The following MBNL1 variants were observed in gnomAD, a reference collection of about 807,000 sequenced individuals.
MBNL1 encodes the protein muscleblind-like protein 1.
Under a neutral mutation model 42.2 loss-of-function variants are expected in MBNL1, and 8 were observed. The observed-to-expected ratio is 0.19, with a 90% CI of 0.11 to 0.34. The LOEUF is 0.34. MBNL1 is among the 10% of genes least tolerant of loss of function. The pLI is 1.00. For missense variants in MBNL1, 309 were observed against 495.3 expected, an observed-to-expected ratio of 0.62 and a Z score of 3.57; for synonymous variants, 169 against 173.9, an observed-to-expected ratio of 0.97 and a Z score of 0.22.
chr3:152,335,504 A>G (rs947752411), intron 2 of MBNL1, among the ~76,000 whole-genome samples: 5 of 152,164 alleles, frequency 3.3e-5, no homozygotes, highest in Admixed American at 2.0e-4. Context: ...ATAGTTTTCC[A>G]TGTAACTTCT....
intron 1 of MBNL1, among the ~76,000 whole-genome samples, chr3:152,279,015 G>A (rs143937846): frequency 6.6e-6 from 1 of 152,238 alleles, no homozygotes; most frequent in East Asian, 1.9e-4. Context: ...GAATGGCAAG[G>A]GAATGCTGTG....
intron 2 of MBNL1, among the ~76,000 whole-genome samples, chr3:152,326,159 C>G (rs935750041): frequency 1.1e-4 from 17 of 152,096 alleles, no homozygotes; most frequent in Non-Finnish European, 1.5e-4. Context: ...ACTTTATGTT[C>G]AACTTTTCCT....
chr3:152,449,051 T>C (rs1279200663), intron 6 of MBNL1, among the ~76,000 whole-genome samples: 2 of 152,220 alleles, frequency 1.3e-5, no homozygotes, highest in Non-Finnish European at 2.9e-5. Flanking sequence ...CTTCTCAACA[T>C]GCATAGTTTT....
At chr3:152,436,425 A>C (rs2099079177) in intron 4 of MBNL1, among the ~76,000 whole-genome samples, 1 of 152,322 alleles carries the variant, frequency 6.6e-6, no homozygotes, top group South Asian at 2.1e-4. Flanking sequence ...GTACTTGCTT[A>C]TTAATTAACT....
intron 2 of MBNL1, chr3:152,340,862 C>T (rs760820663): frequency 6.2e-7 from 1 of 1,613,430 alleles, no homozygotes; most frequent in African/African-American, 1.3e-5. Flanking sequence ...TAGACAAAGC[C>T]AAGCCAGTAT....
At chr3:152,325,101 G>A (rs544104017) in intron 2 of MBNL1, among the ~76,000 whole-genome samples, 76 of 22,060 alleles carry the variant, frequency 3.4e-3, no homozygotes, top group Non-Finnish European at 6.5e-3. Context: ...CCCCCCGCCC[G>A]CTTTTTTTTC....
rs377542337 is a variant in MBNL1, at chr3:152,375,577, A to G, written c.175-39364A>G. The stretch of plus-strand genomic sequence containing the variant: ...CAGCCTGAGCAACATAGTGATTGGT[A>G]TTAGGTCTTCTTCACATGTTTGGTA... On this transcript the variant is annotated intron_variant, in intron 2 of 9. Transcript: ENST00000324210. Among the ~76,000 whole-genome samples the G allele has an allele frequency of 2.3e-4, 35 of 152,314 alleles. No individual in the cohort carries two copies. In the South Asian group the frequency reaches 7.2e-3, roughly 32 times the overall value.
intron 4 of MBNL1, 48 bp downstream of exon 4, chr3:152,432,968 A>G: frequency 6.5e-7 from 1 of 1,528,312 alleles, no homozygotes; most frequent in Non-Finnish European, 9.0e-7. Flanking sequence ...CTAATTCTCA[A>G]AGTGTGGTTT....
At chr3:152,335,831 C>T (rs377530287) in intron 2 of MBNL1, among the ~76,000 whole-genome samples, 4 of 152,090 alleles carry the variant, frequency 2.6e-5, no homozygotes, top group Non-Finnish European at 4.4e-5. Context: ...ACGGTAAGAG[C>T]TATGTTTGGG....
chr3:152,403,154 C>T (rs529226555), intron 2 of MBNL1, among the ~76,000 whole-genome samples: 12 of 151,978 alleles, frequency 7.9e-5, no homozygotes, highest in East Asian at 1.9e-4. Flanking sequence ...AAAAAAAAAT[C>T]GTGTGACAAC....
chr3:152,349,559 G>A (rs1330283464), intron 2 of MBNL1, among the ~76,000 whole-genome samples: 2 of 151,928 alleles, frequency 1.3e-5, no homozygotes, highest in Admixed American at 6.6e-5. Context: ...TGCAACTAGA[G>A]GAAATCACTC....
At chr3:152,376,806 A>G (rs909191779) in intron 2 of MBNL1, among the ~76,000 whole-genome samples, 23 of 152,236 alleles carry the variant, frequency 1.5e-4, no homozygotes, top group Middle Eastern at 3.4e-3. Context: ...GTGCATGCGC[A>G]CACACACACA....
Position 152,432,447 on chromosome 3 carries a change from A to G in MBNL1, c.346-270A>G, listed in dbSNP as rs374470397. On this transcript the variant is annotated intron_variant, in intron 3 of 9. Coordinates refer to ENST00000324210, the MANE Select transcript of MBNL1 (RefSeq NM_021038.5). ...TTTATCTATTTTTCAAAAAAAAAAT[A>G]CAAGTATTATAGACCCTCAGCTACA... 3.7e-4 allele frequency among the ~76,000 whole-genome samples: 56 copies of G among 152,314 alleles called. No individual in the cohort carries two copies. The East Asian group carries it at 5.2e-3, about 14-fold the overall frequency.
At chr3:152,378,482 ATATT>A (rs2097021200) in intron 2 of MBNL1, among the ~76,000 whole-genome samples, 1 of 152,096 alleles carries the variant, frequency 6.6e-6, no homozygotes, top group Non-Finnish European at 1.5e-5. Flanking sequence ...CTACCTCTCT[ATATT>A]TATTTAGGTA....
chr3:152,432,381 C>T (rs145434370), intron 3 of MBNL1, among the ~76,000 whole-genome samples: 1 of 151,562 alleles, frequency 6.6e-6, no homozygotes, highest in African/African-American at 2.4e-5. Context: ...TAAATCAGGA[C>T]AAAGATGAAG....
At chr3:152,336,319 G>A (rs2090143928) in intron 2 of MBNL1, among the ~76,000 whole-genome samples, 1 of 152,080 alleles carries the variant, frequency 6.6e-6, no homozygotes, top group Non-Finnish European at 1.5e-5. Flanking sequence ...GGGATTAAGA[G>A]CATAGGTGCA....
chr3:152,425,557 G>A (rs1228065620), intron 3 of MBNL1, among the ~76,000 whole-genome samples: 1 of 151,406 alleles, frequency 6.6e-6, no homozygotes, highest in African/African-American at 2.4e-5. Flanking sequence ...GCAGTGACCC[G>A]AGATCACGCC....
chr3:152,427,218 C>T (rs1372301975), intron 3 of MBNL1, among the ~76,000 whole-genome samples: 1 of 152,132 alleles, frequency 6.6e-6, no homozygotes, highest in Non-Finnish European at 1.5e-5. Context: ...TGGTTGATAC[C>T]TTTCTACTAG....
chr3:152,262,333 C>T (rs564931663), intron 2 of MBNL1, among the ~76,000 whole-genome samples: 2 of 152,146 alleles, frequency 1.3e-5, no homozygotes, highest in South Asian at 2.1e-4. Context: ...TGTTCTTATT[C>T]AAAGGTCTCT....
Sources: allele counts gnomAD v4.1 joint callset (sites outside exome capture counted in the v4.1 genomes callset), GRCh38; gene constraint gnomAD v4.1.1; transcripts MANE v1.5; gene names NCBI Gene and HGNC (gene_info 2026-07-23, HGNC 2026-07-21).